RBFOX1: variants seen among roughly 807,000 people sequenced by gnomAD.
RBFOX1 encodes RNA binding fox-1 homolog 1, also known as RNA binding protein fox-1 homolog 1.
RBFOX1 carries 8 observed loss-of-function variants against 57.7 expected under a neutral mutation model. The ratio of observed to expected loss-of-function variants is 0.14; its 90% CI spans 0.08 to 0.25. The LOEUF is 0.25. Ranked by LOEUF, RBFOX1 falls within the 10% of genes least tolerant of loss-of-function variation. RBFOX1 has a pLI of 1.00. For missense variants in RBFOX1, 611 were observed against 548.5 expected (o/e 1.11, Z -1.14); for synonymous variants, 326 against 222.4 (o/e 1.47, Z -4.15).
intron 3 of RBFOX1, among the ~76,000 whole-genome samples, chr16:6,814,053 C>T (rs1603628030): frequency 6.6e-6 from 1 of 151,984 alleles, no homozygotes; most frequent in Non-Finnish European, 1.5e-5. Context: ...AACAACTTGT[C>T]CTGGAGTGAA....
intron 1 of RBFOX1, among the ~76,000 whole-genome samples, chr16:6,201,990 G>A (rs1598328074): frequency 6.6e-6 from 1 of 152,138 alleles, no homozygotes; most frequent in African/African-American, 2.4e-5. Context: ...ACATGTCAGA[G>A]TATTGGAAGA....
intron 1 of RBFOX1, among the ~76,000 whole-genome samples, chr16:5,336,881 AT>A (rs1174876256): frequency 1.3e-5 from 2 of 152,030 alleles, no homozygotes; most frequent in African/African-American, 4.8e-5. Flanking sequence ...GAGCTGATGG[AT>A]TTGTATGTTC....
intron 3 of RBFOX1, among the ~76,000 whole-genome samples, chr16:5,733,675 TC>T (rs540740806): frequency 8.8e-4 from 134 of 152,054 alleles, no homozygotes; most frequent in African/African-American, 3.1e-3. Flanking sequence ...CTTGTGTCCT[TC>T]CTCTTTCCCT....
chr16:6,759,479 G>C (rs879339586), intron 3 of RBFOX1, among the ~76,000 whole-genome samples: 24,431 of 69,292 alleles, frequency 0.35, 2,453 homozygotes, highest in South Asian at 0.47. Flanking sequence ...TTGTCTGTGT[G>C]TGTGTGTGTG....
chr16:7,422,444 T>A (rs1568806978), intron 4 of RBFOX1, among the ~76,000 whole-genome samples: 1 of 152,148 alleles, frequency 6.6e-6, no homozygotes, highest in Non-Finnish European at 1.5e-5. Context: ...TCGGTTGCCT[T>A]TTTCATTATA....
intron 2 of RBFOX1, among the ~76,000 whole-genome samples, chr16:6,630,701 T>G (rs2098374184): frequency 6.6e-6 from 1 of 152,164 alleles, no homozygotes; most frequent in African/African-American, 2.4e-5. Flanking sequence ...TCTCCATGTT[T>G]GTAGTCAAGT....
chr16:5,414,999 G>T (rs982277123), intron 1 of RBFOX1, among the ~76,000 whole-genome samples: 7 of 152,056 alleles, frequency 4.6e-5, no homozygotes, highest in Non-Finnish European at 8.8e-5. Flanking sequence ...TTTTCCGTGT[G>T]CCAGGTTATA....
rs554057186 is a variant in RBFOX1 at position 6,258,206 on chromosome 16, A to T, written c.-126-58789A>T. ...CTCAGTTCTTCACTGCCAGCTGGCC[A>T]TTAAAGACATTTGGAAAGAAAAATG... On this transcript the variant is annotated intron_variant, in intron 1 of 15. Coordinates refer to ENST00000550418, the MANE Select transcript of RBFOX1 (RefSeq NM_018723.4). 3.3e-5 allele frequency among the ~76,000 whole-genome samples: 5 copies of T among 152,290 alleles called. No individual in the cohort carries two copies. In the South Asian group the frequency reaches 1.0e-3, roughly 32 times the overall value.
chr16:7,384,560 A>G (rs771894973), intron 4 of RBFOX1, among the ~76,000 whole-genome samples: 1 of 152,062 alleles, frequency 6.6e-6, no homozygotes, highest in Non-Finnish European at 1.5e-5. Context: ...TTATCTATCC[A>G]TCTGGGCTTT....
intron 1 of RBFOX1, among the ~76,000 whole-genome samples, chr16:6,044,940 T>G (rs1371554992): frequency 3.3e-5 from 5 of 152,218 alleles, no homozygotes; most frequent in African/African-American, 1.2e-4. Flanking sequence ...TTGAGCTATT[T>G]GTGCTATGTC....
intron 4 of RBFOX1, among the ~76,000 whole-genome samples, chr16:7,366,963 A>G (rs2097462491): frequency 6.6e-6 from 1 of 152,066 alleles, no homozygotes; most frequent in African/African-American, 2.4e-5. Flanking sequence ...GAAATGATCG[A>G]TTGTACTTTT....
chr16:6,927,921 T>A (rs751893844), intron 3 of RBFOX1, among the ~76,000 whole-genome samples: 2 of 152,196 alleles, frequency 1.3e-5, no homozygotes, highest in Non-Finnish European at 2.9e-5. Context: ...CTAAATATAA[T>A]GATATAATGG....
At chr16:6,042,024 C>T (rs146148679) in intron 1 of RBFOX1, among the ~76,000 whole-genome samples, 1 of 152,038 alleles carries the variant, frequency 6.6e-6, no homozygotes, top group South Asian at 2.1e-4. Context: ...TGGCTTGTGG[C>T]CCCTCCTCCA....
intron 3 of RBFOX1, among the ~76,000 whole-genome samples, chr16:6,659,853 C>A (rs2098690091): frequency 6.6e-6 from 1 of 152,082 alleles, no homozygotes; most frequent in Admixed American, 6.5e-5. Context: ...GGAGTGCTGA[C>A]CTCAGTTTCC....
chr16:6,544,312 C>T lies in RBFOX1; in HGVS notation c.-63-110291C>T, dbSNP rs544848703. On this transcript the variant is annotated intron_variant, in intron 2 of 15. Coordinates refer to ENST00000550418, the MANE Select transcript of RBFOX1 (RefSeq NM_018723.4). ...TAACTTTGAATGGATTCAAATCAAG[C>T]ATATCTAGAGCATAGCAGAAGTGTC... 2.0e-5 allele frequency among the ~76,000 whole-genome samples: 3 copies of T among 152,278 alleles called. No homozygotes were observed. In the East Asian group the frequency reaches 5.8e-4, roughly 30 times the overall value.
At chr16:7,062,869 C>T (rs1224783142) in intron 4 of RBFOX1, among the ~76,000 whole-genome samples, 2 of 133,814 alleles carry the variant, frequency 1.5e-5, no homozygotes, top group Admixed American at 8.0e-5. Context: ...CCTTAAGCTA[C>T]CTCATCTCAT....
At chr16:7,025,645 AG>A (rs1568423753) in intron 3 of RBFOX1, among the ~76,000 whole-genome samples, 1 of 151,994 alleles carries the variant, frequency 6.6e-6, no homozygotes, top group Non-Finnish European at 1.5e-5. Context: ...TTTTGGATAG[AG>A]GGGGGCACCT....
intron 3 of RBFOX1, among the ~76,000 whole-genome samples, chr16:5,793,297 G>A (rs1314915596): frequency 3.9e-5 from 6 of 152,218 alleles, no homozygotes; most frequent in African/African-American, 1.2e-4. Context: ...GCCCGCCTCC[G>A]AAACTCAGCT....
At chr16:7,230,994 T>A (rs113826920) in intron 4 of RBFOX1, among the ~76,000 whole-genome samples, 2 of 152,120 alleles carry the variant, frequency 1.3e-5, no homozygotes, top group African/African-American at 4.8e-5. Context: ...AGAATTCACA[T>A]TGATCAGCCA....
Sources: gnomAD v4.1 joint callset for allele counts (sites outside exome capture counted in the v4.1 genomes callset) on GRCh38, gnomAD v4.1.1 for gene constraint, MANE v1.5 for transcripts, NCBI Gene and HGNC (gene_info 2026-07-23, HGNC 2026-07-21) for gene names.